CAAP1: variants seen among roughly 807,000 people sequenced by gnomAD.
CAAP1 encodes conserved anti-apoptotic protein.
CAAP1 carries 20 observed loss-of-function variants against 34.0 expected under a neutral mutation model. That is an observed-to-expected ratio of 0.59 (90% CI 0.41 to 0.86). CAAP1 has a LOEUF of 0.86. Ranked by LOEUF, CAAP1 falls within the 40% of genes least tolerant of loss-of-function variation. CAAP1 has a pLI of 0.00. For missense variants in CAAP1, 538 were observed against 450.5 expected (o/e 1.19, Z -1.76); for synonymous variants, 213 against 166.7 (o/e 1.28, Z -2.14).
intron 5 of CAAP1, among the ~76,000 whole-genome samples, chr9:26,852,212 G>C (rs1822768937): frequency 6.6e-6 from 1 of 151,756 alleles, no homozygotes. Flanking sequence ...CCAGCACTTT[G>C]GGAGGCCAAG....
intron 4 of CAAP1, among the ~76,000 whole-genome samples, chr9:26,865,046 T>G (rs1419705602): frequency 1.3e-5 from 2 of 152,186 alleles, no homozygotes; most frequent in Non-Finnish European, 2.9e-5. Flanking sequence ...AGTCTGCTCT[T>G]TATATGTGTC....
chr9:26,892,361 T>C (rs774133230), intron 1 of CAAP1, 52 bp downstream of exon 1: 1 of 1,592,016 alleles, frequency 6.3e-7, no homozygotes, highest in South Asian at 1.1e-5. Flanking sequence ...AAGCCCGACT[T>C]CTTCCGAAAA....
At chr9:26,845,085 T>C (rs1246901050) in intron 5 of CAAP1, among the ~76,000 whole-genome samples, 2 of 152,238 alleles carry the variant, frequency 1.3e-5, no homozygotes, top group African/African-American at 2.4e-5. Flanking sequence ...GAAAGTGTCA[T>C]CCTGCTACTG....
intron 4 of CAAP1, among the ~76,000 whole-genome samples, chr9:26,878,769 C>G (rs1040489011): frequency 6.6e-6 from 1 of 151,786 alleles, no homozygotes; most frequent in East Asian, 1.9e-4. Flanking sequence ...TGAGCCAAGA[C>G]TGCACACCGT....
chr9:26,842,301 C>A lies in CAAP1; in HGVS notation c.1086G>T (p.Ter362TyrextTer12). 1 of 1,553,880 alleles carries A rather than the reference C, an allele frequency of 6.4e-7. No homozygotes were observed. The highest frequency in any genetic ancestry group is 1.2e-5 in the South Asian group (1 of 80,822). ...MKAGDIKKPA[*>Y] ...TAAAATTCAAAATCAAGTTAAATAC[C>A]TAGGCTGGCTTTTTTATATCACCAG... The change falls in exon 6 of 6, where the codon TAG (stop) becomes TAT (tyrosine). Residue 362 changes from the stop codon to tyrosine, a stop_lost. Coordinates refer to ENST00000333916, the MANE Select transcript of CAAP1 (RefSeq NM_024828.4).
At chr9:26,842,805 C>G (rs1430291493) in intron 5 of CAAP1, among the ~76,000 whole-genome samples, 158 bp from the exon 6 acceptor site, 1 of 152,192 alleles carries the variant, frequency 6.6e-6, no homozygotes, top group South Asian at 2.1e-4. Context: ...CCCCTGACTC[C>G]TCAACCTTCA....
At chr9:26,846,415 C>CAAAAAAAAAAA (rs761402354) in intron 5 of CAAP1, among the ~76,000 whole-genome samples, 11 of 61,746 alleles carry the variant, frequency 1.8e-4, no homozygotes, top group Admixed American at 2.1e-4. Flanking sequence ...GACTCTGTCT[C>CAAAAAAAAAAA]AAAAAAAAAA....
In CAAP1 at chr9:26,842,688, C is replaced by A; in HGVS notation, c.740-41G>T. 3 of 1,455,872 alleles carry A rather than the reference C, an allele frequency of 2.1e-6. No individual in the cohort carries two copies. The South Asian group carries it at 4.0e-5, about 19-fold the overall frequency. The allele number at this position is 1,455,872 out of a possible 1,614,324, so 90.2% of individuals were successfully genotyped here. On this transcript the variant is annotated intron_variant, in intron 5 of 5. Coordinates refer to ENST00000333916, the MANE Select transcript of CAAP1 (RefSeq NM_024828.4). ...GAGAAAGATCCATGTAACCTAAATA[C>A]CATGGGTCACAATTTCCTTACTGTT...
chr9:26,851,575 A>G (rs1822754525), intron 5 of CAAP1, among the ~76,000 whole-genome samples: 1 of 152,230 alleles, frequency 6.6e-6, no homozygotes, highest in East Asian at 1.9e-4. Context: ...TTGGGGCACA[A>G]TAACAGGCTG....
intron 5 of CAAP1, among the ~76,000 whole-genome samples, chr9:26,852,040 ATTAT>A (rs1822765502): frequency 1.3e-5 from 2 of 152,190 alleles, no homozygotes; most frequent in African/African-American, 2.4e-5. Context: ...ATAATGTAAA[ATTAT>A]TTATTTATTT....
intron 4 of CAAP1, among the ~76,000 whole-genome samples, chr9:26,872,253 C>G (rs1301646065): frequency 2.0e-5 from 3 of 152,120 alleles, no homozygotes; most frequent in Non-Finnish European, 2.9e-5. Context: ...TCTATCTTCT[C>G]TAAATGCCTA....
chr9:26,864,656 C>T (rs774727886), intron 4 of CAAP1, among the ~76,000 whole-genome samples: 5 of 152,196 alleles, frequency 3.3e-5, no homozygotes, highest in Admixed American at 6.5e-5. Flanking sequence ...ATAGGGGGCT[C>T]TGTTTTATTT....
At position 26,892,772 on chromosome 9, in the gene CAAP1, C is replaced by G. The variant is rs1823947962; in HGVS notation, c.-57G>C. ...CCGCTGTCTCTGGTGCGACCGAAGC[C>G]CGACTCCTGCGGCCGTGGGCGGCAG... On this transcript the variant is annotated 5_prime_UTR_variant, in exon 1 of 6. Transcript: ENST00000333916. The G allele has an allele frequency of 2.0e-6, 3 of 1,491,348 alleles. No individual in the cohort carries two copies. In the East Asian group the frequency reaches 6.9e-5, roughly 34 times the overall value. 92.4% of individuals were successfully genotyped at this position (1,491,348 alleles called of 1,614,324 possible).
At chr9:26,850,205 T>C (rs968499211) in intron 5 of CAAP1, among the ~76,000 whole-genome samples, 35 of 152,214 alleles carry the variant, frequency 2.3e-4, no homozygotes, top group Non-Finnish European at 5.0e-4. Context: ...GGTATCACAT[T>C]ACCTGTTATA....
At position 26,842,042 on chromosome 9, in the gene CAAP1, C is replaced by T. The variant is rs1822492163; in HGVS notation, c.*259G>A. 3 of 302,726 alleles carry T rather than the reference C, an allele frequency of 9.9e-6. No homozygotes were observed. Among genetic ancestry groups the T allele is most frequent in the African/African-American group, 6.4e-5 (3 of 46,640 alleles). 18.8% of individuals were successfully genotyped at this position (302,726 alleles called of 1,614,324 possible). A position where few individuals can be genotyped will look rare whatever the true frequency, so the allele number is the denominator to read the frequency against. ...TAATGGCTTTTAAGATTTGCAGACACAGCTAAATACTCATCTAACAAAGTA... is the reference window on the plus strand; with the variant it reads ...TAATGGCTTTTAAGATTTGCAGACATAGCTAAATACTCATCTAACAAAGTA... On this transcript the variant is annotated 3_prime_UTR_variant, in exon 6 of 6. Transcript: ENST00000333916.
At chr9:26,844,249 C>T (rs1303811444) in intron 5 of CAAP1, among the ~76,000 whole-genome samples, 1 of 151,952 alleles carries the variant, frequency 6.6e-6, no homozygotes, top group Non-Finnish European at 1.5e-5. Context: ...CCCAGCTACT[C>T]GGGAGGCTGA....
Position 26,841,112 on chromosome 9 carries a change from T to G in CAAP1, c.*1189A>C, listed in dbSNP as rs1316431112. 6.6e-6 allele frequency: 1 copy of G among 152,094 alleles called. No homozygotes were observed. The highest frequency in any genetic ancestry group is 6.6e-5 in the Admixed American group (1 of 15,266). 9.4% of individuals were successfully genotyped at this position (152,094 alleles called of 1,614,324 possible). A position where few individuals can be genotyped will look rare whatever the true frequency, so the allele number is the denominator to read the frequency against. ...ATTTAAAAACTCTCTAAAATTAACA[T>G]AATTAAAGCAGCTAATAAAACACAA... is the stretch of plus-strand genomic sequence containing the variant. On this transcript the variant is annotated 3_prime_UTR_variant, in exon 6 of 6. Transcript: ENST00000333916.
intron 4 of CAAP1, among the ~76,000 whole-genome samples, chr9:26,865,367 T>A (rs1823110134): frequency 6.6e-6 from 1 of 151,902 alleles, no homozygotes; most frequent in Non-Finnish European, 1.5e-5. Flanking sequence ...CTACTAAAAA[T>A]ACAAAATTAG....
At chr9:26,889,563 T>C (rs879049896) in intron 1 of CAAP1, among the ~76,000 whole-genome samples, 5 of 151,024 alleles carry the variant, frequency 3.3e-5, no homozygotes, top group East Asian at 2.0e-4. Flanking sequence ...CCCAAGAAAA[T>C]AGGGAACTCG....
Sources: gnomAD v4.1 joint callset for allele counts (sites outside exome capture counted in the v4.1 genomes callset) on GRCh38, gnomAD v4.1.1 for gene constraint, MANE v1.5 for transcripts, NCBI Gene and HGNC (gene_info 2026-07-23, HGNC 2026-07-21) for gene names.